The following UNC80 variants were observed in gnomAD, a reference collection of about 807,000 sequenced individuals.
The protein encoded by UNC80 is unc-80 subunit of NALCN channel complex, also known as protein unc-80 homolog.
Under a neutral mutation model 384.6 loss-of-function variants are expected in UNC80, and 164 were observed. That is an observed-to-expected ratio of 0.43 (90% confidence interval 0.38 to 0.49). UNC80 has a LOEUF of 0.49. Ranked by LOEUF, UNC80 falls within the 20% of genes least tolerant of loss-of-function variation. The pLI is 0.00. For missense variants in UNC80, 3,330 were observed against 4,143.0 expected (o/e 0.80, Z 5.39); for synonymous variants, 1,486 against 1,527.8 (o/e 0.97, Z 0.64).
At chr2:209,899,971 T>C (rs2087213353) in intron 28 of UNC80, among the ~76,000 whole-genome samples, 1 of 152,190 alleles carries the variant, frequency 6.6e-6, no homozygotes, top group Non-Finnish European at 1.5e-5. Flanking sequence ...CTAGCCCCCA[T>C]GAGATTGCCT....
At chr2:209,923,409 T>G (rs1192051580) in intron 35 of UNC80, among the ~76,000 whole-genome samples, 2 of 152,192 alleles carry the variant, frequency 1.3e-5, no homozygotes, top group Non-Finnish European at 2.9e-5. Flanking sequence ...TGTGTTATGT[T>G]ATGAGTTAGA....
chr2:209,832,699 G>A (rs2081062174), intron 16 of UNC80, among the ~76,000 whole-genome samples: 1 of 152,172 alleles, frequency 6.6e-6, no homozygotes, highest in Non-Finnish European at 1.5e-5. Context: ...TTTGGTCATA[G>A]CAAAAGTAAT....
At chr2:209,830,806 G>A (rs1031119305) in intron 15 of UNC80, among the ~76,000 whole-genome samples, 5 of 152,198 alleles carry the variant, frequency 3.3e-5, no homozygotes, top group Admixed American at 2.6e-4. Flanking sequence ...ATGTGTGTGA[G>A]CAAGAAGGAG....
Position 209,802,084 on chromosome 2 carries a change from A to G in UNC80, c.938+8225A>G, listed in dbSNP as rs563097551. 1.8e-4 allele frequency among the ~76,000 whole-genome samples: 28 copies of G among 152,214 alleles called. No homozygotes were observed. In the East Asian group the frequency reaches 4.6e-3, roughly 25 times the overall value. On this transcript the variant is annotated intron_variant, in intron 7 of 64. Coordinates refer to ENST00000673920, the MANE Select transcript of UNC80 (RefSeq NM_001371986.1). ...AAGCATTTAAAATTATATAATATAC[A>G]TGGAATCTTAAAAAGTGTTGAACTT...
chr2:209,807,362 T>G (rs540920593), intron 7 of UNC80, among the ~76,000 whole-genome samples: 1 of 109,552 alleles, frequency 9.1e-6, no homozygotes, highest in East Asian at 3.0e-4. Flanking sequence ...TTCCCTCATG[T>G]CATTTTTTTT....
chr2:209,960,884 C>CTGTTAAGT (rs1292778079), intron 51 of UNC80: 1 of 152,222 alleles, frequency 6.6e-6, no homozygotes, highest in East Asian at 1.9e-4. Flanking sequence ...TGTTAAGGTA[C>CTGTTAAGT]TGCTGTCATA....
chr2:209,823,571 C>T (rs1452229006), intron 13 of UNC80, among the ~76,000 whole-genome samples: 1 of 152,104 alleles, frequency 6.6e-6, no homozygotes, highest in Non-Finnish European at 1.5e-5. Context: ...TCTAATTCTC[C>T]ACCTAGAGGG....
At chr2:209,800,796 G>A (rs1199549194) in intron 7 of UNC80, among the ~76,000 whole-genome samples, 2 of 152,046 alleles carry the variant, frequency 1.3e-5, no homozygotes, top group Non-Finnish European at 2.9e-5. Context: ...CTTGATTTCT[G>A]CCTTAATTTC....
chr2:209,913,856 C>G lies in UNC80; in HGVS notation c.4945C>G (p.Leu1649Val), dbSNP rs1453502723. The change falls in exon 31 of 65, where the codon CTG (leucine) becomes GTG (valine). Residue 1649 changes from leucine (L) to valine (V), a missense_variant. Physicochemically the swap from Leu to Val is conservative, Grantham distance 32. Transcript: ENST00000673920. The part of the protein sequence containing the change: ...LSLLIKAAPI[L>V]TEEMYGDIQP... ...TCTGTTAATCAAGGCAGCACCAATT[C>G]TGACAGAGGAGATGTACGGAGACAT... The G allele has an allele frequency of 5.2e-6, 8 of 1,551,378 alleles. No individual in the cohort carries two copies. The African/African-American group carries it at 9.6e-5, about 19-fold the overall frequency.
Position 209,817,102 on chromosome 2 carries a change from G to T in UNC80, c.1529G>T (p.Gly510Val). The T allele has an allele frequency of 9.0e-6, 14 of 1,551,690 alleles. No individual in the cohort carries two copies. The highest frequency in any genetic ancestry group is 1.1e-5 in the Non-Finnish European group (13 of 1,147,008). Residue 510 changes from glycine (G) to valine (V), a missense_variant, in exon 10 of 65, where the codon GGA becomes GTA. Around this residue, in one of 8 missense-constraint regions of UNC80, gnomAD observed 937 missense variants for 1,026.8 expected, o/e 0.91. Coordinates refer to ENST00000673920, the MANE Select transcript of UNC80 (RefSeq NM_001371986.1). Reference protein sequence around the residue: ...LGEDRRGIEKGGWQTTILGKL... With the variant: ...LGEDRRGIEKVGWQTTILGKL... ...GAAGACAGGCGAGGAATTGAGAAAGGAGGCTGGCAAACCACCATTTTAGGT... is the reference window on the plus strand; with the variant it reads ...GAAGACAGGCGAGGAATTGAGAAAGTAGGCTGGCAAACCACCATTTTAGGT...
intron 25 of UNC80, among the ~76,000 whole-genome samples, chr2:209,883,834 A>G (rs937299187): frequency 2.4e-4 from 37 of 152,170 alleles, no homozygotes; most frequent in Non-Finnish European, 5.3e-4. Context: ...TTCACTTAGG[A>G]TAATGTCTTC....
intron 6 of UNC80, among the ~76,000 whole-genome samples, chr2:209,792,416 T>C (rs7583804): frequency 0.98 from 148,758 of 152,316 alleles, 72,747 homozygotes; most frequent in East Asian, 1. Flanking sequence ...GGCGCGATCT[T>C]GGCTCACTGA....
chr2:209,818,460 T>A (rs997711450), intron 11 of UNC80, among the ~76,000 whole-genome samples: 3 of 152,196 alleles, frequency 2.0e-5, no homozygotes, highest in Non-Finnish European at 2.9e-5. Context: ...ACAGAATAAT[T>A]GATTTTTTTC....
At chr2:209,910,408 T>A (rs2088783668) in intron 29 of UNC80, among the ~76,000 whole-genome samples, 1 of 151,962 alleles carries the variant, frequency 6.6e-6, no homozygotes, top group African/African-American at 2.4e-5. Flanking sequence ...TACCCCCATC[T>A]CTGTGATATC....
intron 5 of UNC80, among the ~76,000 whole-genome samples, chr2:209,789,268 ATTG>A (rs1446632434): frequency 6.6e-6 from 1 of 152,128 alleles, no homozygotes. Flanking sequence ...GTTAACTATT[ATTG>A]TTATTTTCAG....
chr2:209,923,853 T>C (rs1002363044), intron 35 of UNC80, among the ~76,000 whole-genome samples: 1 of 152,184 alleles, frequency 6.6e-6, no homozygotes, highest in Admixed American at 6.5e-5. Flanking sequence ...CATATTTGTT[T>C]GTTTTTATCC....
intron 38 of UNC80, among the ~76,000 whole-genome samples, chr2:209,931,598 A>G (rs1402073740): frequency 6.6e-6 from 1 of 152,134 alleles, no homozygotes; most frequent in Non-Finnish European, 1.5e-5. Context: ...CCTGATGACT[A>G]CACCTTGAAA....
intron 31 of UNC80, among the ~76,000 whole-genome samples, chr2:209,914,725 T>C (rs2089328999): frequency 6.6e-6 from 1 of 151,972 alleles, no homozygotes; most frequent in Admixed American, 6.6e-5. Context: ...GTAAGTTGTG[T>C]ATTGAATGTT....
Position 209,793,799 on chromosome 2 carries a change from A to G in UNC80, c.878A>G (p.Asn293Ser), listed in dbSNP as rs1347570206. The change falls in exon 7 of 65, where the codon AAC becomes AGC. Residue 293 changes from asparagine to serine, a missense_variant. Around this residue, in one of 8 missense-constraint regions of UNC80, gnomAD observed 937 missense variants for 1,026.8 expected, o/e 0.91. Transcript: ENST00000673920. ...KATISGCHRGNSFDGSLSSQT... is the reference protein window; with the variant it reads ...KATISGCHRGSSFDGSLSSQT... Reference sequence around the variant, plus strand: ...ACCATTTCAGGCTGTCACCGAGGAAACTCCTTTGATGGAAGTCTGTCCTCC... The same window carrying G: ...ACCATTTCAGGCTGTCACCGAGGAAGCTCCTTTGATGGAAGTCTGTCCTCC... The G allele has an allele frequency of 1.9e-6, 3 of 1,614,054 alleles. No homozygotes were observed. The highest frequency in any genetic ancestry group is 2.2e-5 in the East Asian group (1 of 44,872).
Sources: gnomAD v4.1 joint callset for allele counts (sites outside exome capture counted in the v4.1 genomes callset) on GRCh38, gnomAD v4.1.1 for gene constraint, gnomAD v4.1.1 regional missense constraint, MANE v1.5 for transcripts, NCBI Gene and HGNC (gene_info 2026-07-23, HGNC 2026-07-21) for gene names.